CAMTA1: variants seen among roughly 807,000 people sequenced by gnomAD.
CAMTA1 encodes calmodulin-binding transcription activator 1.
In CAMTA1, 27 loss-of-function variants were observed where a neutral mutation model predicts 170.9. The observed-to-expected ratio is 0.16, with a 90% CI of 0.12 to 0.22. The LOEUF (loss-of-function observed/expected upper bound fraction) is 0.22, where lower values mean the gene tolerates loss of function less well. CAMTA1 is among the 10% of genes least tolerant of loss of function. The pLI, the probability that CAMTA1 is intolerant of heterozygous loss-of-function variation, is 1.00. For synonymous variants in CAMTA1, 833 were observed against 891.5 expected (o/e 0.93, Z 1.17); for missense variants, 1,619 against 2,217.2 (o/e 0.73, Z 5.42).
rs766387603 is a variant in CAMTA1, at chr1:7,248,148, GT to G, written c.303-1336del. ...TAGCTGCAGTCACCCTGGTGGGACT[GT>G]TTTTTTCCCCCCAGACAATAGAATA... On this transcript the variant is annotated intron_variant, in intron 4 of 22. Transcript: ENST00000303635. This position sits in a 1 kb window ranked among gnomAD's most constrained non-coding sequence, Gnocchi z 4.0. Among the ~76,000 whole-genome samples, 11 of 152,248 alleles carry G rather than the reference GT, an allele frequency of 7.2e-5. No homozygotes were observed. Among genetic ancestry groups the G allele is most frequent in the South Asian group, 6.2e-4 (3 of 4,824 alleles).
At chr1:6,977,458 A>G (rs1451667231) in intron 3 of CAMTA1, among the ~76,000 whole-genome samples, 2 of 151,994 alleles carry the variant, frequency 1.3e-5, no homozygotes, top group African/African-American at 2.4e-5. Flanking sequence ...CTCCAGCCTC[A>G]GCCTCCCGAG....
At chr1:7,193,790 A>G (rs1486592396) in intron 4 of CAMTA1, among the ~76,000 whole-genome samples, 2 of 152,080 alleles carry the variant, frequency 1.3e-5, no homozygotes, top group Non-Finnish European at 2.9e-5. Flanking sequence ...AGAAAATATG[A>G]GGTTTGGAAA....
At chr1:7,727,841 A>G (rs963360422) in intron 11 of CAMTA1, among the ~76,000 whole-genome samples, 1 of 152,216 alleles carries the variant, frequency 6.6e-6, no homozygotes, top group African/African-American at 2.4e-5. Flanking sequence ...AAGCCTTACA[A>G]CCTCAAGAGC....
Position 7,738,205 on chromosome 1 carries a change from C to G in CAMTA1, c.3905C>G (p.Pro1302Arg). 1.2e-6 allele frequency: 2 copies of G among 1,614,064 alleles called. No homozygotes were observed. The highest frequency in any genetic ancestry group is 1.7e-6 in the Non-Finnish European group (2 of 1,180,042). ...AGGGACTTCAGCCGGGAACTCTCCC[C>G]TCCCACTCCAGAGACTGCAGCATTT... ...GVRDFSRELS[P>R]PTPETAAFQA... The change falls in exon 16 of 23, where the codon CCT becomes CGT. Residue 1302 changes from proline (P) to arginine (R), a missense_variant. Physicochemically the swap from Pro to Arg is moderately radical, Grantham distance 103. Coordinates refer to ENST00000303635, the MANE Select transcript of CAMTA1 (RefSeq NM_015215.4). The surrounding 1 kb of genome is among the most constrained non-coding windows in gnomAD (Gnocchi z 4.9).
At chr1:7,070,537 C>T (rs1404831940) in intron 3 of CAMTA1, among the ~76,000 whole-genome samples, 1 of 152,184 alleles carries the variant, frequency 6.6e-6, no homozygotes. Context: ...CTTTGCACAA[C>T]CTTTTGAGCA....
chr1:7,057,682 T>C (rs528744461), intron 3 of CAMTA1, among the ~76,000 whole-genome samples: 5 of 152,360 alleles, frequency 3.3e-5, no homozygotes, highest in African/African-American at 1.2e-4. Context: ...ATGTGAGGCC[T>C]TTCTTTGAGC....
At chr1:7,228,136 A>G (rs1662046571) in intron 4 of CAMTA1, among the ~76,000 whole-genome samples, 1 of 152,232 alleles carries the variant, frequency 6.6e-6, no homozygotes, top group African/African-American at 2.4e-5. Flanking sequence ...ATGATTGGGG[A>G]ACATCATGGC....
At chr1:6,833,585 A>G (rs979848518) in intron 3 of CAMTA1, among the ~76,000 whole-genome samples, 4 of 152,174 alleles carry the variant, frequency 2.6e-5, no homozygotes, top group East Asian at 1.9e-4. Flanking sequence ...GTGTCCTGCA[A>G]TTATTTTATA....
At chr1:7,177,675 C>T (rs1651200169) in intron 4 of CAMTA1, among the ~76,000 whole-genome samples, 2 of 150,254 alleles carry the variant, frequency 1.3e-5, no homozygotes, top group Non-Finnish European at 3.0e-5. Flanking sequence ...ACATCAAAAC[C>T]CTGCCCATAT....
chr1:7,666,752 A>G (rs2096004952), intron 9 of CAMTA1, among the ~76,000 whole-genome samples: 1 of 152,164 alleles, frequency 6.6e-6, no homozygotes, highest in Non-Finnish European at 1.5e-5. Flanking sequence ...CAAAGCTAAG[A>G]AAATCTGTGT....
chr1:7,049,577 C>G (rs1474811096), intron 3 of CAMTA1, among the ~76,000 whole-genome samples: 1 of 152,094 alleles, frequency 6.6e-6, no homozygotes, highest in Non-Finnish European at 1.5e-5. Flanking sequence ...CTGACTCAGC[C>G]TCCTGAGTAG....
chr1:7,508,186 ACT>A (rs2094148574), intron 6 of CAMTA1, among the ~76,000 whole-genome samples: 1 of 151,986 alleles, frequency 6.6e-6, no homozygotes, highest in Non-Finnish European at 1.5e-5. Flanking sequence ...TGGGGCCCTG[ACT>A]CTGAGCTTGG....
At chr1:7,476,700 G>A (rs144533833) in intron 6 of CAMTA1, among the ~76,000 whole-genome samples, 3,059 of 152,244 alleles carry the variant, frequency 0.02, 46 homozygotes, top group Non-Finnish European at 0.029. Flanking sequence ...GCTGGGCTCA[G>A]AAGAGAGCAG....
chr1:7,458,924 T>C (rs1364798999), intron 5 of CAMTA1, among the ~76,000 whole-genome samples: 1 of 152,252 alleles, frequency 6.6e-6, no homozygotes, highest in East Asian at 1.9e-4. Flanking sequence ...AGCAATTCAC[T>C]ATTTAACAAG....
intron 22 of CAMTA1, among the ~76,000 whole-genome samples, chr1:7,764,627 T>C (rs1044546597): frequency 6.6e-6 from 1 of 152,054 alleles, no homozygotes; most frequent in African/African-American, 2.4e-5. Context: ...TGATTACTGG[T>C]TTTTTCACAC....
At chr1:7,517,940 G>A (rs2094309411) in intron 6 of CAMTA1, among the ~76,000 whole-genome samples, 1 of 151,964 alleles carries the variant, frequency 6.6e-6, no homozygotes, top group African/African-American at 2.4e-5. Flanking sequence ...CCAGGGTTAA[G>A]CCCTTTGCTT....
intron 1 of CAMTA1, among the ~76,000 whole-genome samples, chr1:6,816,174 C>T (rs1166083826): frequency 1.3e-5 from 2 of 152,212 alleles, no homozygotes; most frequent in East Asian, 3.8e-4. Flanking sequence ...TCTTCATGCT[C>T]TAATCAAGTA....
chr1:7,301,516 C>T (rs1470912146), intron 5 of CAMTA1, among the ~76,000 whole-genome samples: 1 of 152,134 alleles, frequency 6.6e-6, no homozygotes, highest in South Asian at 2.1e-4. Context: ...CCCTGTGAGC[C>T]TGTAGTGCTG....
At chr1:6,859,196 G>A (rs929077533) in intron 3 of CAMTA1, among the ~76,000 whole-genome samples, 5 of 151,110 alleles carry the variant, frequency 3.3e-5, no homozygotes, top group East Asian at 3.9e-4. Flanking sequence ...TGTGTAAATC[G>A]CGTGTGTGTT....
Sources: allele counts gnomAD v4.1 joint callset (sites outside exome capture counted in the v4.1 genomes callset), GRCh38; gene constraint gnomAD v4.1.1; non-coding constraint Gnocchi (gnomAD v3.1); transcripts MANE v1.5; gene names NCBI Gene and HGNC (gene_info 2026-07-23, HGNC 2026-07-21).